CMTM8: variants seen among roughly 807,000 people sequenced by gnomAD.
CMTM8 encodes the protein CKLF-like MARVEL transmembrane domain-containing protein 8.
In CMTM8, 12 loss-of-function variants were observed where a neutral mutation model predicts 18.6. That is an observed-to-expected ratio of 0.65 (90% confidence interval 0.41 to 1.05). CMTM8 has a LOEUF of 1.05. CMTM8 is among the 50% of genes least tolerant of loss of function. The pLI is 0.00. For missense variants in CMTM8, 217 were observed against 227.2 expected, an observed-to-expected ratio of 0.95 and a Z score of 0.29; for synonymous variants, 87 against 90.6, an observed-to-expected ratio of 0.96 and a Z score of 0.23.
At chr3:32,278,156 G>T (rs972038463) in intron 1 of CMTM8, among the ~76,000 whole-genome samples, 2 of 152,180 alleles carry the variant, frequency 1.3e-5, no homozygotes, top group East Asian at 3.8e-4. Flanking sequence ...AGAAGTAGAG[G>T]ATCCCTTTCT....
chr3:32,356,265 C>A (rs894731496), intron 1 of CMTM8, among the ~76,000 whole-genome samples: 1 of 152,174 alleles, frequency 6.6e-6, no homozygotes, highest in African/African-American at 2.4e-5. Context: ...AGTCACACAG[C>A]GAGCCAGGAC....
intron 1 of CMTM8, among the ~76,000 whole-genome samples, chr3:32,317,741 A>G (rs780611775): frequency 8.5e-5 from 13 of 152,134 alleles, no homozygotes; most frequent in Non-Finnish European, 1.3e-4. Flanking sequence ...ACTCAGGAAT[A>G]CCAACTATGT....
At chr3:32,305,864 A>C (rs1243377485) in intron 1 of CMTM8, among the ~76,000 whole-genome samples, 1 of 152,236 alleles carries the variant, frequency 6.6e-6, no homozygotes. Context: ...TAAAATGTGT[A>C]TTGACTGTAG....
At chr3:32,257,254 G>A (rs1446096677) in intron 1 of CMTM8, among the ~76,000 whole-genome samples, 1 of 152,182 alleles carries the variant, frequency 6.6e-6, no homozygotes, top group East Asian at 1.9e-4. Flanking sequence ...TGGGATTACA[G>A]GAGTGAGCCA....
At chr3:32,240,301 G>T (rs1199949046) in intron 1 of CMTM8, among the ~76,000 whole-genome samples, 2 of 152,220 alleles carry the variant, frequency 1.3e-5, no homozygotes, top group African/African-American at 2.4e-5. Flanking sequence ...AGAAGTGTTG[G>T]CTTAGCTCCT....
chr3:32,336,307 C>T (rs1294764695), intron 1 of CMTM8, among the ~76,000 whole-genome samples: 3 of 152,224 alleles, frequency 2.0e-5, no homozygotes, highest in Non-Finnish European at 2.9e-5. Context: ...GCAGTCCCTT[C>T]AGGGGACCTG....
Position 32,370,213 on chromosome 3 carries a change from TAGAC to T in CMTM8, c.*248_*251del. The T allele has an allele frequency of 4.8e-6, 1 of 208,056 alleles. No individual in the cohort carries two copies. The highest frequency in any genetic ancestry group is 9.6e-6 in the Non-Finnish European group (1 of 104,504). The allele number at this position is 208,056 out of a possible 1,614,324, so 12.9% of individuals were successfully genotyped here. ...AATGTCTTCATAGATCATATTTTCT[TAGAC>T]AATGTTTAAATAGATAAATTGCTAA... is the stretch of plus-strand genomic sequence containing the variant. On this transcript the variant is annotated 3_prime_UTR_variant, in exon 4 of 4. Coordinates refer to ENST00000307526, the MANE Select transcript of CMTM8 (RefSeq NM_178868.5).
In CMTM8 at chr3:32,297,615, A is replaced by G. The variant is rs1305046265; in HGVS notation, c.147+58496A>G. On this transcript the variant is annotated intron_variant, in intron 1 of 3. Coordinates refer to ENST00000307526, the MANE Select transcript of CMTM8 (RefSeq NM_178868.5). ...AGCAGCCCCGTCTGGGGTGGCGCAG[A>G]CACTCCAGGCTGCTTTGTCTGTCTG... Among the ~76,000 whole-genome samples the G allele has an allele frequency of 2.6e-5, 4 of 152,168 alleles. No homozygotes were observed. The East Asian group carries it at 7.7e-4, about 29-fold the overall frequency.
At chr3:32,351,960 T>G (rs1303371860) in intron 1 of CMTM8, among the ~76,000 whole-genome samples, 1 of 151,840 alleles carries the variant, frequency 6.6e-6, no homozygotes, top group Non-Finnish European at 1.5e-5. Flanking sequence ...GCAGATCACT[T>G]GAGGTCAGGA....
chr3:32,356,006 C>T (rs986450727), intron 1 of CMTM8, among the ~76,000 whole-genome samples: 1 of 152,186 alleles, frequency 6.6e-6, no homozygotes, highest in African/African-American at 2.4e-5. Flanking sequence ...TTCTTCATAA[C>T]ATTTGCCACA....
At chr3:32,317,882 C>T (rs755740936) in intron 1 of CMTM8, among the ~76,000 whole-genome samples, 3 of 151,798 alleles carry the variant, frequency 2.0e-5, no homozygotes, top group East Asian at 1.9e-4. Flanking sequence ...GGTGAAACCC[C>T]GTCTCTATTA....
intron 1 of CMTM8, among the ~76,000 whole-genome samples, chr3:32,271,620 C>T (rs980296801): frequency 3.3e-5 from 5 of 152,034 alleles, no homozygotes; most frequent in Admixed American, 6.6e-5. Flanking sequence ...ATTTTATGAA[C>T]GTACCATAAT....
At chr3:32,282,232 C>T (rs546031982) in intron 1 of CMTM8, among the ~76,000 whole-genome samples, 12 of 152,004 alleles carry the variant, frequency 7.9e-5, no homozygotes, top group East Asian at 1.9e-4. Context: ...ATTGTGTGTA[C>T]GGGACAAATG....
At chr3:32,369,806 C>A in intron 3 of CMTM8, 78 bp from the exon 4 acceptor site, 1 of 835,886 alleles carries the variant, frequency 1.2e-6, no homozygotes, top group Non-Finnish European at 1.9e-6. Context: ...GTGGGTGATT[C>A]AATGGAGGTG....
chr3:32,270,554 G>T (rs563330007), intron 1 of CMTM8, among the ~76,000 whole-genome samples: 14 of 152,270 alleles, frequency 9.2e-5, no homozygotes, highest in African/African-American at 3.4e-4. Flanking sequence ...AAAATGATGA[G>T]TTCATGTCCT....
Position 32,369,958 on chromosome 3 carries a change from C to T in CMTM8, c.513C>T (p.Thr171=). 1.3e-6 allele frequency: 2 copies of T among 1,574,172 alleles called. No individual in the cohort carries two copies. Among genetic ancestry groups the T allele is most frequent in the Non-Finnish European group, 1.7e-6 (2 of 1,151,290 alleles). ...YFSFIAWRSR[T]IQ is the part of the protein sequence containing the mutation. ...GTTTTATAGCATGGAGATCCAGGAC[C>T]ATACAGTGATTTACCATTTTGATAA... The change falls in exon 4 of 4, where the codon ACC becomes ACT. Residue 171 remains threonine, a synonymous_variant. Coordinates refer to ENST00000307526, the MANE Select transcript of CMTM8 (RefSeq NM_178868.5).
At chr3:32,261,724 T>C (rs1176546781) in intron 1 of CMTM8, among the ~76,000 whole-genome samples, 1 of 152,158 alleles carries the variant, frequency 6.6e-6, no homozygotes, top group African/African-American at 2.4e-5. Context: ...ACTTGAACCA[T>C]GATTTGAGGA....
chr3:32,351,816 G>T (rs1696715150), intron 1 of CMTM8, among the ~76,000 whole-genome samples: 1 of 152,024 alleles, frequency 6.6e-6, no homozygotes, highest in Non-Finnish European at 1.5e-5. Context: ...TATATAGTTG[G>T]TTACCATCTC....
At chr3:32,245,056 G>A (rs1701992044) in intron 1 of CMTM8, among the ~76,000 whole-genome samples, 1 of 152,124 alleles carries the variant, frequency 6.6e-6, no homozygotes, top group South Asian at 2.1e-4. Context: ...TCTGAATCAG[G>A]ATACTGCTTA....
Sources: gnomAD v4.1 joint callset for allele counts (sites outside exome capture counted in the v4.1 genomes callset) on GRCh38, gnomAD v4.1.1 for gene constraint, MANE v1.5 for transcripts, NCBI Gene and HGNC (gene_info 2026-07-23, HGNC 2026-07-21) for gene names.